Variants in SLC16A2 observed in about 807,000 individuals in gnomAD.
SLC16A2 encodes monocarboxylate transporter 8.
Under a neutral mutation model 27.2 loss-of-function variants are expected in SLC16A2, and 3 were observed. The ratio of observed to expected loss-of-function variants is 0.11; its 90% CI spans 0.05 to 0.28. SLC16A2 has a LOEUF of 0.28. SLC16A2 is among the 10% of genes least tolerant of loss of function. The probability of loss-of-function intolerance (pLI) is 1.00; values close to 1 mark genes in which losing one functional copy is unlikely to be tolerated. For synonymous variants in SLC16A2, 202 were observed against 187.8 expected, an observed-to-expected ratio of 1.08 and a Z score of -0.62; for missense variants, 295 against 458.5, an observed-to-expected ratio of 0.64 and a Z score of 3.26.
chrX:74,469,434 A>G (rs1483531985), intron 1 of SLC16A2, among the ~76,000 whole-genome samples: 2 of 112,120 alleles, frequency 1.8e-5, no homozygotes, highest in East Asian at 5.6e-4. Flanking sequence ...CCCATTTTAC[A>G]TTCCTACAAA....
intron 1 of SLC16A2, among the ~76,000 whole-genome samples, chrX:74,455,262 C>T (rs773747419): frequency 1.1e-4 from 12 of 111,198 alleles, no homozygotes; most frequent in Non-Finnish European, 1.3e-4. Flanking sequence ...AAATACTATA[C>T]GCTTTCATAT....
At chrX:74,529,690 C>T (rs1319344076) in intron 5 of SLC16A2, among the ~76,000 whole-genome samples, 1 of 108,108 alleles carries the variant, frequency 9.3e-6, no homozygotes, top group African/African-American at 3.4e-5. Context: ...TTATTTCAGA[C>T]AGCAGGGATC....
chrX:74,500,370 T>C (rs867452744), intron 1 of SLC16A2, among the ~76,000 whole-genome samples: 6 of 111,637 alleles, frequency 5.4e-5, no homozygotes, highest in Admixed American at 9.5e-5. Context: ...AAACAGTGCT[T>C]ATTGCAGAGC....
chrX:74,445,107 A>C (rs1023972358), intron 1 of SLC16A2, among the ~76,000 whole-genome samples: 1 of 112,077 alleles, frequency 8.9e-6, no homozygotes, highest in East Asian at 2.8e-4. Flanking sequence ...ATTGCAGATA[A>C]GGAAATTGAG....
At position 74,524,828 on chromosome X, in the gene SLC16A2, G is replaced by A. The variant is rs915124518; in HGVS notation, c.1026+19G>A. On this transcript the variant is annotated intron_variant, in intron 3 of 5. Coordinates refer to ENST00000587091, the MANE Select transcript of SLC16A2 (RefSeq NM_006517.5). ...ACACCTGGTGAGGAATACCAGAGTG[G>A]GCCCACCCCACCTGGCCCCAAGAAG... The A allele has an allele frequency of 4.2e-6, 5 of 1,182,579 alleles. No individual in the cohort carries two copies. The highest frequency in any genetic ancestry group is 1.8e-5 in the South Asian group (1 of 56,143).
intron 1 of SLC16A2, among the ~76,000 whole-genome samples, chrX:74,471,260 G>A (rs1929351192): frequency 8.9e-6 from 1 of 112,071 alleles, no homozygotes; most frequent in Non-Finnish European, 1.9e-5. Flanking sequence ...AGTTTTGTGT[G>A]AATTTTTGTG....
intron 1 of SLC16A2, among the ~76,000 whole-genome samples, chrX:74,515,858 A>G (rs1225976079): frequency 8.9e-6 from 1 of 112,070 alleles, no homozygotes; most frequent in Non-Finnish European, 1.9e-5. Context: ...TCTCAAACGA[A>G]GGAAAACTAA....
chrX:74,467,022 C>A (rs1392760641), intron 1 of SLC16A2, among the ~76,000 whole-genome samples: 2 of 110,907 alleles, frequency 1.8e-5, no homozygotes, highest in Admixed American at 9.6e-5. Context: ...ATTCAACAAA[C>A]CTTTCTTGAG....
At chrX:74,461,743 A>G (rs946828292) in intron 1 of SLC16A2, among the ~76,000 whole-genome samples, 4 of 111,969 alleles carry the variant, frequency 3.6e-5, no homozygotes, top group Non-Finnish European at 5.6e-5. Context: ...TGGTATCATT[A>G]CCAAATTTTA....
chrX:74,451,344 GA>G (rs1170247358), intron 1 of SLC16A2, among the ~76,000 whole-genome samples: 1 of 112,048 alleles, frequency 8.9e-6, no homozygotes, highest in Non-Finnish European at 1.9e-5. Flanking sequence ...AATACTTTGA[GA>G]AGCTGGTTAC....
intron 1 of SLC16A2, among the ~76,000 whole-genome samples, chrX:74,487,116 C>A (rs375386014): frequency 1.8e-5 from 2 of 111,032 alleles, no homozygotes; most frequent in Non-Finnish European, 1.9e-5. Flanking sequence ...ACCCTTAGAT[C>A]ATTTTACCTT....
chrX:74,424,124 A>G (rs1928362608), intron 1 of SLC16A2, among the ~76,000 whole-genome samples: 1 of 109,792 alleles, frequency 9.1e-6, no homozygotes, highest in African/African-American at 3.3e-5. Flanking sequence ...GCAGTTGGCT[A>G]TGCAGAGGTG....
chrX:74,476,520 T>G (rs903825685), intron 1 of SLC16A2, among the ~76,000 whole-genome samples: 1 of 111,959 alleles, frequency 8.9e-6, no homozygotes, highest in African/African-American at 3.2e-5. Flanking sequence ...CTATGTTGAA[T>G]AGCAGTGGTG....
At chrX:74,503,277 G>A (rs899408112) in intron 1 of SLC16A2, among the ~76,000 whole-genome samples, 9 of 111,035 alleles carry the variant, frequency 8.1e-5, no homozygotes, top group Admixed American at 3.9e-4. Context: ...AGTAGACTAG[G>A]TTTCTTTTTT....
intron 1 of SLC16A2, among the ~76,000 whole-genome samples, chrX:74,442,556 T>G (rs886406114): frequency 8.9e-6 from 1 of 112,141 alleles, no homozygotes; most frequent in Non-Finnish European, 1.9e-5. Context: ...AGCCAATATT[T>G]ATTGAGCATT....
At chrX:74,524,922 T>C (rs1930467480) in intron 3 of SLC16A2, 113 bp downstream of exon 3, 1 of 676,129 alleles carries the variant, frequency 1.5e-6, no homozygotes, top group African/African-American at 2.2e-5. Context: ...GCTGGGACCT[T>C]TGGGAAAAGA....
intron 4 of SLC16A2, 142 bp from the exon 5 acceptor site, chrX:74,529,071 C>A: frequency 2.1e-6 from 1 of 470,239 alleles, no homozygotes; most frequent in Non-Finnish European, 3.7e-6. Flanking sequence ...CCATTCAGCC[C>A]AACTGCTCTC....
chrX:74,503,453 C>G (rs770082407), intron 1 of SLC16A2, among the ~76,000 whole-genome samples: 2 of 111,315 alleles, frequency 1.8e-5, no homozygotes, highest in Admixed American at 1.9e-4. Flanking sequence ...CTTCTTTGCA[C>G]CTTCGTTACA....
chrX:74,475,096 A>G (rs1316150351), intron 1 of SLC16A2, among the ~76,000 whole-genome samples: 3 of 109,832 alleles, frequency 2.7e-5, no homozygotes, highest in Non-Finnish European at 5.7e-5. Flanking sequence ...AGTCCCACCA[A>G]CAGTGTAAAA....
Sources: allele counts gnomAD v4.1 joint callset (sites outside exome capture counted in the v4.1 genomes callset), GRCh38; gene constraint gnomAD v4.1.1; transcripts MANE v1.5; gene names NCBI Gene and HGNC (gene_info 2026-07-23, HGNC 2026-07-21).